The following CCL16 variants were observed in gnomAD, a reference collection of about 807,000 sequenced individuals.
The protein encoded by CCL16 is C-C motif chemokine 16.
In CCL16, 6 loss-of-function variants were observed where a neutral mutation model predicts 7.5. The observed-to-expected ratio is 0.80, with a 90% CI of 0.44 to 1.57. The LOEUF is 1.57. Ranked by LOEUF, CCL16 falls within the 40% of genes most tolerant of loss-of-function variation. CCL16 has a pLI of 0.01. For synonymous variants in CCL16, 60 were observed against 57.7 expected (o/e 1.04, Z -0.18); for missense variants, 134 against 142.9 (o/e 0.94, Z 0.32).
At chr17:35,978,782 T>A (rs2089659556) in intron 1 of CCL16, 1 of 156,248 alleles carries the variant, frequency 6.4e-6, no homozygotes, top group Admixed American at 6.2e-5. Context: ...CCTTGGTGGT[T>A]GAGGAAGAAG....
chr17:35,978,000 C>T (rs2089652046), intron 2 of CCL16, 143 bp downstream of exon 2: 1 of 1,207,370 alleles, frequency 8.3e-7, no homozygotes, highest in South Asian at 1.4e-5. Context: ...GGAATTAATC[C>T]CAGGCCCCTG....
chr17:35,978,701 A>G (rs1197279484), intron 1 of CCL16, among the ~76,000 whole-genome samples: 1 of 152,198 alleles, frequency 6.6e-6, no homozygotes, highest in African/African-American at 2.4e-5. Flanking sequence ...ACTACCACAG[A>G]ATGTGGTCCA....
intron 1 of CCL16, among the ~76,000 whole-genome samples, chr17:35,979,150 GAC>G (rs1454114239): frequency 6.6e-6 from 1 of 151,818 alleles, no homozygotes; most frequent in Non-Finnish European, 1.5e-5. Context: ...AAAGGATTTA[GAC>G]ACACAAAGGA....
intron 2 of CCL16, 116 bp from the exon 3 acceptor site, chr17:35,977,847 C>T: frequency 8.3e-7 from 1 of 1,210,816 alleles, no homozygotes; most frequent in Non-Finnish European, 1.2e-6. Context: ...TTCCCTGGGC[C>T]TGTCCTGGCT....
chr17:35,980,962 G>A (rs1026958952), intron 1 of CCL16, among the ~76,000 whole-genome samples: 5 of 151,990 alleles, frequency 3.3e-5, no homozygotes, highest in African/African-American at 1.2e-4. Flanking sequence ...CCTTCCTCTC[G>A]CCACTCATTC....
chr17:35,977,897 T>C (rs2089651128), intron 2 of CCL16, among the ~76,000 whole-genome samples, 166 bp from the exon 3 acceptor site: 1 of 152,066 alleles, frequency 6.6e-6, no homozygotes, highest in Non-Finnish European at 1.5e-5. Flanking sequence ...CCTCAGAACC[T>C]TACCATCCCT....
In CCL16 at chr17:35,977,508, G is replaced by A; in HGVS notation, c.*58C>T. ...GTTTCAGCCTAATAAGGCTTCCCCT[G>A]TTTTCATAGGTTTACCCCTCTCTTC... On this transcript the variant is annotated 3_prime_UTR_variant, in exon 3 of 3. Coordinates refer to ENST00000611905, the MANE Select transcript of CCL16 (RefSeq NM_004590.4). 2.0e-6 allele frequency: 3 copies of A among 1,521,354 alleles called. No individual in the cohort carries two copies. Among genetic ancestry groups the A allele is most frequent in the Non-Finnish European group, 2.7e-6 (3 of 1,113,000 alleles). 94.2% of individuals were successfully genotyped at this position (1,521,354 alleles called of 1,614,324 possible).
At chr17:35,980,497 G>A in intron 1 of CCL16, 1 of 172,762 alleles carries the variant, frequency 5.8e-6, no homozygotes, top group South Asian at 1.3e-4. Context: ...CTCCAACCTG[G>A]GCAACAAGAG....
intron 1 of CCL16, among the ~76,000 whole-genome samples, chr17:35,978,536 T>C (rs150085057): frequency 6.6e-6 from 1 of 152,250 alleles, no homozygotes; most frequent in African/African-American, 2.4e-5. Context: ...GCTCATTCTT[T>C]TGTTTATTGG....
Position 35,977,636 on chromosome 17 carries a change from G to A in CCL16, c.293C>T (p.Thr98Ile). Residue 98 changes from threonine to isoleucine, a missense_variant, in exon 3 of 3, where the codon ACC becomes ATC. By Grantham distance (89) the Thr-to-Ile change is moderately conservative. Transcript: ENST00000611905. ...AATTTTAACCGTGGACAAGTTCCTG[G>A]TAGGCAGCAAAGGTAGGTTGGGATC... is the stretch of plus-strand genomic sequence containing the variant. Reference protein sequence around the residue: ...IKDPNLPLLPTRNLSTVKIIT... With the variant: ...IKDPNLPLLPIRNLSTVKIIT... 1 of 1,612,466 alleles carries A rather than the reference G, an allele frequency of 6.2e-7. No homozygotes were observed. The highest frequency in any genetic ancestry group is 1.1e-5 in the South Asian group (1 of 90,994).
rs2089645541 is a variant in CCL16 at position 35,977,352 on chromosome 17, T to A, written c.*214A>T. 2.8e-6 allele frequency: 1 copy of A among 360,126 alleles called. No homozygotes were observed. Among genetic ancestry groups the A allele is most frequent in the African/African-American group, 2.1e-5 (1 of 47,568 alleles). 22.3% of individuals were successfully genotyped at this position (360,126 alleles called of 1,614,324 possible). ...TATCTCAAAAAAATAAAAATATAAA[T>A]ATAAAAATAAAAGAGCGTACCTCTG... On this transcript the variant is annotated 3_prime_UTR_variant, in exon 3 of 3. Transcript: ENST00000611905.
rs111316280 is a variant in CCL16 at position 35,978,236 on chromosome 17, G to T, written c.104C>A (p.Ser35Tyr). The T allele has an allele frequency of 4.3e-6, 7 of 1,614,094 alleles. No homozygotes were observed. The highest frequency in any genetic ancestry group is 4.2e-6 in the Non-Finnish European group (5 of 1,180,030). Residue 35 changes from serine (S) to tyrosine (Y), a missense_variant, in exon 2 of 3, where the codon TCC becomes TAC. By Grantham distance (144) the Ser-to-Tyr change is moderately radical (BLOSUM62 -2). Transcript: ENST00000611905. ...CTCATAATACTTCAGGCAGCAGGTG[G>T]ATGGGGTGTTCACCCACTCAGGAAC... is the stretch of plus-strand genomic sequence containing the variant. ...PKVPEWVNTP[S>Y]TCCLKYYEKV...
In CCL16 at chr17:35,977,468, C is replaced by T. The variant is rs1021570183; in HGVS notation, c.*98G>A. 2.5e-5 allele frequency: 25 copies of T among 997,874 alleles called. No homozygotes were observed. The Admixed American group carries it at 5.5e-4, about 22-fold the overall frequency. 61.8% of individuals were successfully genotyped at this position (997,874 alleles called of 1,614,324 possible). A position where few individuals can be genotyped will look rare whatever the true frequency, so the allele number is the denominator to read the frequency against. ...ATTTTGATCATTGTTCTGCTTCTCT[C>T]AATGTGACTGGCTAGTTTCAGCCTA... On this transcript the variant is annotated 3_prime_UTR_variant, in exon 3 of 3. Coordinates refer to ENST00000611905, the MANE Select transcript of CCL16 (RefSeq NM_004590.4).
intron 1 of CCL16, among the ~76,000 whole-genome samples, chr17:35,979,638 A>T (rs527308459): frequency 6.6e-6 from 1 of 152,224 alleles, no homozygotes; most frequent in African/African-American, 2.4e-5. Context: ...AAAGCCCTTA[A>T]CTCAGAGCCT....
At chr17:35,978,426 C>T (rs1202774114) in intron 1 of CCL16, among the ~76,000 whole-genome samples, 163 bp from the exon 2 acceptor site, 2 of 152,170 alleles carry the variant, frequency 1.3e-5, no homozygotes, top group Non-Finnish European at 2.9e-5. Flanking sequence ...AAGATGAATC[C>T]CTTTGGGGGA....
intron 1 of CCL16, 126 bp from the exon 2 acceptor site, chr17:35,978,389 G>A: frequency 7.9e-7 from 1 of 1,258,740 alleles, no homozygotes; most frequent in East Asian, 2.3e-5. Flanking sequence ...GGAGACCAAT[G>A]ATAGCTTGAC....
At chr17:35,978,392 A>G in intron 1 of CCL16, 129 bp from the exon 2 acceptor site, 1 of 1,209,204 alleles carries the variant, frequency 8.3e-7, no homozygotes, top group Non-Finnish European at 1.2e-6. Context: ...GACCAATGAT[A>G]GCTTGACTGG....
In CCL16 at chr17:35,981,302, T is replaced by A. The variant is rs1555638894; in HGVS notation, c.76+43A>T. On this transcript the variant is annotated intron_variant, in intron 1 of 2. Coordinates refer to ENST00000611905, the MANE Select transcript of CCL16 (RefSeq NM_004590.4). ...CACTACCTCCCTGCCAGCTGCTCCATCCCCCTTTCTCGTTCCTGCCCTACA... is the reference window on the plus strand; with the variant it reads ...CACTACCTCCCTGCCAGCTGCTCCAACCCCCTTTCTCGTTCCTGCCCTACA... 9.1e-6 allele frequency: 13 copies of A among 1,429,700 alleles called. No individual in the cohort carries two copies. In the South Asian group the frequency reaches 1.4e-4, roughly 16 times the overall value. 88.6% of individuals were successfully genotyped at this position (1,429,700 alleles called of 1,614,324 possible). A position where few individuals can be genotyped will look rare whatever the true frequency, so the allele number is the denominator to read the frequency against.
chr17:35,977,582 AGCTGGGGTTGACCATTCTTT>A lies in CCL16; in HGVS notation c.327_346del (p.Lys110ProfsTer10), dbSNP rs755425321. ...GCCTGGTCATCACTGGGAGTTGAGG[AGCTGGGGTTGACCATTCTTT>A]GCTGTAATAATTTTAACCGTGGACA... On this transcript the variant is annotated frameshift_variant, in exon 3 of 3. Transcript: ENST00000611905. LOFTEE classifies it high-confidence loss of function. The A allele has an allele frequency of 2.5e-5, 40 of 1,612,620 alleles. No individual in the cohort carries two copies. Among genetic ancestry groups the A allele is most frequent in the Admixed American group, 1.3e-4 (8 of 60,000 alleles).
Sources: allele counts gnomAD v4.1 joint callset (sites outside exome capture counted in the v4.1 genomes callset), GRCh38; gene constraint gnomAD v4.1.1; transcripts MANE v1.5; gene names NCBI Gene and HGNC (gene_info 2026-07-23, HGNC 2026-07-21).